The following OSBPL9 variants were observed in gnomAD, a reference collection of about 807,000 sequenced individuals.
OSBPL9 encodes the protein oxysterol binding protein like 9.
A neutral mutation model predicts 106.6 loss-of-function variants in OSBPL9; 40 were observed. The observed-to-expected ratio is 0.38, with a 90% CI of 0.29 to 0.49. The LOEUF is 0.49. OSBPL9 is among the 20% of genes least tolerant of loss of function. OSBPL9 has a pLI of 0.97. For missense variants in OSBPL9, 609 were observed against 887.2 expected (o/e 0.69, Z 3.98); for synonymous variants, 269 against 295.4 (o/e 0.91, Z 0.92).
chr1:51,541,368 G>A, the OSBPL9 span, among the ~76,000 whole-genome samples: 1 of 151,982 alleles, frequency 6.6e-6, no homozygotes, highest in Non-Finnish European at 1.5e-5. Flanking sequence ...ACTTTGGTTT[G>A]TCATCATCTA....
intron 1 of OSBPL9, among the ~76,000 whole-genome samples, chr1:51,621,875 A>C (rs772495195): frequency 2.0e-5 from 3 of 152,232 alleles, no homozygotes; most frequent in Non-Finnish European, 4.4e-5. Context: ...ATAAATTGAT[A>C]ATTTGAGCTG....
At chr1:51,780,998 A>G (rs6675016) in intron 15 of OSBPL9, among the ~76,000 whole-genome samples, 166 bp from the exon 16 acceptor site, 139 of 152,254 alleles carry the variant, frequency 9.1e-4, no homozygotes, top group African/African-American at 3.3e-3. Flanking sequence ...CAATGCATTT[A>G]ATTATATATA....
intron 1 of OSBPL9, among the ~76,000 whole-genome samples, chr1:51,584,762 C>T (rs1187049469): frequency 6.6e-6 from 1 of 152,006 alleles, no homozygotes; most frequent in Non-Finnish European, 1.5e-5. Flanking sequence ...AAATAAAGCC[C>T]TTGCACATCC....
chr1:51,626,394 A>C (rs1644768471), intron 1 of OSBPL9, among the ~76,000 whole-genome samples: 1 of 152,024 alleles, frequency 6.6e-6, no homozygotes. Context: ...CTCTCTATTT[A>C]ACTTCTTCCT....
At chr1:51,743,693 T>C (rs1667396314) in intron 4 of OSBPL9, among the ~76,000 whole-genome samples, 1 of 152,192 alleles carries the variant, frequency 6.6e-6, no homozygotes, top group African/African-American at 2.4e-5. Flanking sequence ...TTGATAATCA[T>C]GTTACATTGC....
the OSBPL9 span, among the ~76,000 whole-genome samples, chr1:51,547,962 T>C: frequency 6.6e-6 from 1 of 151,788 alleles, no homozygotes; most frequent in Non-Finnish European, 1.5e-5. Flanking sequence ...TCCTCAAAAC[T>C]GGAAGGAAAT....
chr1:51,563,450 G>A, the OSBPL9 span, among the ~76,000 whole-genome samples: 5 of 152,244 alleles, frequency 3.3e-5, no homozygotes, highest in African/African-American at 9.6e-5. Flanking sequence ...AGCCCACCCC[G>A]TCCAACGTAG....
chr1:51,544,451 TA>T, the OSBPL9 span, among the ~76,000 whole-genome samples: 4 of 152,228 alleles, frequency 2.6e-5, no homozygotes, highest in African/African-American at 9.6e-5. Flanking sequence ...GAAGATCAAA[TA>T]ACCCTTGCTT....
chr1:51,772,696 G>C lies in OSBPL9; in HGVS notation c.1143G>C (p.Gln381His). ...HKSVIMHLLS[Q>H]VRLGMDLTKV... is the part of the protein sequence containing the mutation. Reference sequence around the variant, plus strand: ...GCGTTATCATGCATCTCTTGTCGCAGGTTAGACTTGGAATGGATCTTACTA... The same window carrying C: ...GCGTTATCATGCATCTCTTGTCGCACGTTAGACTTGGAATGGATCTTACTA... The change falls in exon 14 of 24, where the codon CAG becomes CAC. Residue 381 changes from glutamine (Q) to histidine (H), a missense_variant. Around this residue, in one of 5 missense-constraint regions of OSBPL9, gnomAD observed 356 missense variants for 505.8 expected, o/e 0.70. Coordinates refer to ENST00000428468, the MANE Select transcript of OSBPL9 (RefSeq NM_024586.6). 1 of 1,614,172 alleles carries C rather than the reference G, an allele frequency of 6.2e-7. No individual in the cohort carries two copies. Among genetic ancestry groups the C allele is most frequent in the Non-Finnish European group, 8.5e-7 (1 of 1,180,022 alleles).
intron 7 of OSBPL9, chr1:51,749,414 A>G (rs1363305035): frequency 3.8e-6 from 1 of 264,934 alleles, no homozygotes; most frequent in African/African-American, 2.2e-5. Context: ...CTGGGCTCAG[A>G]CAATCCTCCT....
the OSBPL9 span, chr1:51,519,394 CCCCGCCCGCCTG>C: frequency 4.8e-3 from 1,110 of 229,122 alleles, 11 homozygotes; most frequent in African/African-American, 0.025. Flanking sequence ...CCCCGCCTGG[CCCCGCCCGCCTG>C]CCCGCCCGCC....
chr1:51,549,719 G>C, the OSBPL9 span, among the ~76,000 whole-genome samples: 1 of 152,208 alleles, frequency 6.6e-6, no homozygotes, highest in Non-Finnish European at 1.5e-5. Context: ...GTACTCCCAA[G>C]CTACTCGGGA....
intron 4 of OSBPL9, among the ~76,000 whole-genome samples, chr1:51,744,613 A>T (rs1031117979): frequency 2.6e-5 from 4 of 152,164 alleles, no homozygotes; most frequent in African/African-American, 9.7e-5. Context: ...CAAGTGTGAG[A>T]TGGGTATGTT....
intron 3 of OSBPL9, among the ~76,000 whole-genome samples, chr1:51,679,530 A>G (rs12120749): frequency 0.065 from 9,873 of 152,238 alleles, 427 homozygotes; most frequent in Admixed American, 0.13. Flanking sequence ...CTGAGGTTTC[A>G]CTTTACACAG....
At chr1:51,644,078 TAAAAAAAAAA>T (rs968921768) in intron 1 of OSBPL9, among the ~76,000 whole-genome samples, 4 of 43,252 alleles carry the variant, frequency 9.2e-5, no homozygotes, top group African/African-American at 4.1e-4. Context: ...AGACCTTGTC[TAAAAAAAAAA>T]AAAAAAAAAA....
At chr1:51,643,267 A>G (rs995320855) in intron 1 of OSBPL9, among the ~76,000 whole-genome samples, 1 of 152,194 alleles carries the variant, frequency 6.6e-6, no homozygotes, top group African/African-American at 2.4e-5. Flanking sequence ...GATACACTCA[A>G]GCCCATAGGA....
chr1:51,729,749 G>A lies in OSBPL9; in HGVS notation c.318+15670G>A. ...ATCGCCAGGGGTCTCTTTGCCAGGA[G>A]CCGCCAGGGCCAGCCAATCGGGGCG... is the stretch of plus-strand genomic sequence containing the variant. On this transcript the variant is annotated intron_variant, in intron 4 of 23. Coordinates refer to ENST00000428468, the MANE Select transcript of OSBPL9 (RefSeq NM_024586.6). This position sits in a 1 kb window ranked among gnomAD's most constrained non-coding sequence, Gnocchi z 5.1. 8.9e-7 allele frequency: 1 copy of A among 1,122,174 alleles called. No individual in the cohort carries two copies. Among genetic ancestry groups the A allele is most frequent in the Non-Finnish European group, 1.1e-6 (1 of 884,570 alleles). 69.5% of individuals were successfully genotyped at this position (1,122,174 alleles called of 1,614,324 possible). A position where few individuals can be genotyped will look rare whatever the true frequency, so the allele number is the denominator to read the frequency against.
intron 1 of OSBPL9, among the ~76,000 whole-genome samples, chr1:51,630,516 A>G (rs903807369): frequency 6.6e-6 from 1 of 151,762 alleles, no homozygotes; most frequent in Non-Finnish European, 1.5e-5. Context: ...AAATAGGTAT[A>G]AAAGATAAAA....
chr1:51,654,897 G>A (rs1646726012), intron 2 of OSBPL9, among the ~76,000 whole-genome samples: 1 of 152,100 alleles, frequency 6.6e-6, no homozygotes, highest in Non-Finnish European at 1.5e-5. Flanking sequence ...TAGAATGGTG[G>A]TTTCCAGGGG....
Sources: allele counts gnomAD v4.1 joint callset (sites outside exome capture counted in the v4.1 genomes callset), GRCh38; gene constraint gnomAD v4.1.1; regional missense constraint gnomAD v4.1.1; non-coding constraint Gnocchi (gnomAD v3.1); transcripts MANE v1.5; gene names NCBI Gene and HGNC (gene_info 2026-07-23, HGNC 2026-07-21).